ADCY7: variants seen among roughly 807,000 people sequenced by gnomAD.
ADCY7 encodes the protein adenylate cyclase 7.
A neutral mutation model predicts 120.6 loss-of-function variants in ADCY7; 72 were observed. The ratio of observed to expected loss-of-function variants is 0.60; its 90% CI spans 0.49 to 0.73. ADCY7 has a LOEUF of 0.73. Ranked by LOEUF, ADCY7 falls within the 30% of genes least tolerant of loss-of-function variation. ADCY7 has a pLI of 0.00. For synonymous variants in ADCY7, 661 were observed against 628.0 expected (o/e 1.05, Z -0.78); for missense variants, 1,227 against 1,486.0 (o/e 0.83, Z 2.87).
At chr16:50,248,483 C>G (rs1464930409) in intron 1 of ADCY7, among the ~76,000 whole-genome samples, 1 of 152,240 alleles carries the variant, frequency 6.6e-6, no homozygotes, top group Non-Finnish European at 1.5e-5. Context: ...CACTTTGACG[C>G]CAAACACTCA....
In ADCY7 at chr16:50,300,876, G is replaced by A. The variant is rs1388215283; in HGVS notation, c.1235+3G>A. 7 of 1,555,028 alleles carry A rather than the reference G, an allele frequency of 4.5e-6. No homozygotes were observed. The highest frequency in any genetic ancestry group is 1.4e-5 in the African/African-American group (1 of 73,200). Reference sequence around the variant, plus strand: ...ATGGAGGCAGCCGGAGTACCCGGGTGAGGCTGGGCTGGGTAGCCGCAGGGA... The same window carrying A: ...ATGGAGGCAGCCGGAGTACCCGGGTAAGGCTGGGCTGGGTAGCCGCAGGGA... On this transcript the variant is annotated splice_donor_region_variant and intron_variant, in intron 9 of 25. Transcript: ENST00000673801.
At chr16:50,286,887 G>A (rs1373718939) in intron 1 of ADCY7, among the ~76,000 whole-genome samples, 1 of 152,222 alleles carries the variant, frequency 6.6e-6, no homozygotes, top group Non-Finnish European at 1.5e-5. Context: ...ATGGATCAGA[G>A]ACCTTTGTGT....
intron 22 of ADCY7, 77 bp from the exon 23 acceptor site, chr16:50,313,881 C>G: frequency 2.4e-6 from 3 of 1,246,578 alleles, no homozygotes; most frequent in Non-Finnish European, 3.5e-6. Context: ...GAACCCCACA[C>G]CCTTCCTGAG....
chr16:50,314,666 T>C (rs3813755), intron 24 of ADCY7: 102,831 of 480,454 alleles, frequency 0.21, 12,339 homozygotes, highest in East Asian at 0.36. Flanking sequence ...CCTTAAAATA[T>C]AGAGAAGGAA....
Position 50,283,057 on chromosome 16 carries a change from G to T in ADCY7, c.-268-4855G>T, listed in dbSNP as rs574888316. On this transcript the variant is annotated intron_variant, in intron 1 of 25. Transcript: ENST00000673801. ...CCTTTCTGGAGGACTGGCTGTGTCTGCAGGGGCACACTCTTACCTCTGTGC... is the reference window on the plus strand; with the variant it reads ...CCTTTCTGGAGGACTGGCTGTGTCTTCAGGGGCACACTCTTACCTCTGTGC... Among the ~76,000 whole-genome samples the T allele has an allele frequency of 9.9e-5, 15 of 152,198 alleles. No individual in the cohort carries two copies. The South Asian group carries it at 2.9e-3, about 29-fold the overall frequency.
At chr16:50,303,435 A>G (rs2035863621) in intron 10 of ADCY7, among the ~76,000 whole-genome samples, 1 of 152,216 alleles carries the variant, frequency 6.6e-6, no homozygotes, top group Admixed American at 6.5e-5. Flanking sequence ...CCTAGGAGAC[A>G]GGACTTCCGG....
intron 4 of ADCY7, among the ~76,000 whole-genome samples, chr16:50,292,262 T>C (rs1321806700): frequency 6.6e-6 from 1 of 152,192 alleles, no homozygotes; most frequent in Non-Finnish European, 1.5e-5. Context: ...CCTTGTGTCT[T>C]TGTGTTGAAT....
intron 7 of ADCY7, among the ~76,000 whole-genome samples, chr16:50,295,143 C>G (rs28432797): frequency 1.3e-5 from 2 of 152,118 alleles, no homozygotes; most frequent in Non-Finnish European, 2.9e-5. Flanking sequence ...TTCACAGGAT[C>G]TGAGGTGAAT....
chr16:50,311,562 CTTG>C (rs1471541194), intron 19 of ADCY7, 128 bp from the exon 20 acceptor site: 25 of 509,682 alleles, frequency 4.9e-5, no homozygotes, highest in Non-Finnish European at 7.9e-5. Flanking sequence ...CCAAAGTTGT[CTTG>C]TTTTCTACCC....
intron 1 of ADCY7, among the ~76,000 whole-genome samples, chr16:50,253,038 G>T (rs909108721): frequency 3.3e-5 from 5 of 152,134 alleles, no homozygotes; most frequent in Non-Finnish European, 5.9e-5. Flanking sequence ...GTGGAGTTGG[G>T]GGTCAGGGAG....
rs200799130 is a variant in ADCY7 at position 50,292,695 on chromosome 16, T to C, written c.557T>C (p.Ile186Thr). 3 of 1,613,860 alleles carry C rather than the reference T, an allele frequency of 1.9e-6. No homozygotes were observed. Among genetic ancestry groups the C allele is most frequent in the African/African-American group, 1.3e-5 (1 of 75,042 alleles). Reference sequence around the variant, plus strand: ...CCGCAGCTGCTGGCCAACGCAGTCATCTTCCTGTGTGGGAACCTGACAGGC... The same window carrying C: ...CCGCAGCTGCTGGCCAACGCAGTCACCTTCCTGTGTGGGAACCTGACAGGC... ...VGLQLLANAVIFLCGNLTGAF... is the reference protein window; with the variant it reads ...VGLQLLANAVTFLCGNLTGAF... Residue 186 changes from isoleucine (I) to threonine (T), a missense_variant, in exon 5 of 26, where the codon ATC becomes ACC. By Grantham distance (89) the Ile-to-Thr change is moderately conservative. Transcript: ENST00000673801.
At chr16:50,283,538 C>T (rs1049567327) in intron 1 of ADCY7, among the ~76,000 whole-genome samples, 1 of 152,184 alleles carries the variant, frequency 6.6e-6, no homozygotes, top group Non-Finnish European at 1.5e-5. Context: ...GTCATGTGGC[C>T]CATGAACCAG....
intron 3 of ADCY7, 54 bp downstream of exon 3, chr16:50,290,714 C>T (rs1218085126): frequency 2.8e-5 from 44 of 1,569,370 alleles, no homozygotes; most frequent in East Asian, 9.0e-5. Flanking sequence ...CTCCCATCCC[C>T]GTGGTTGGTG....
rs1241759840 is a variant in ADCY7, at chr16:50,312,095, G to A, written c.2508G>A (p.Glu836=). ...LWKKKFKKEH[E]EFETMENVNR... ...AGAAGAAGTTCAAGAAGGAGCACGA[G>A]GAGTTTGAGACCATGGAGAACGTGA... is the stretch of plus-strand genomic sequence containing the variant. The change falls in exon 21 of 26, where the codon GAG becomes GAA. Residue 836 remains glutamate (E), a synonymous_variant. Coordinates refer to ENST00000673801, the MANE Select transcript of ADCY7 (RefSeq NM_001114.5). 1.5e-5 allele frequency: 24 copies of A among 1,614,252 alleles called. No homozygotes were observed. The highest frequency in any genetic ancestry group is 1.9e-5 in the Non-Finnish European group (22 of 1,180,052).
In ADCY7 at chr16:50,307,163, G is replaced by A. The variant is rs370098388; in HGVS notation, c.1850+16G>A. 4.4e-6 allele frequency: 7 copies of A among 1,607,372 alleles called. No individual in the cohort carries two copies. In the East Asian group the frequency reaches 6.7e-5, roughly 15 times the overall value. On this transcript the variant is annotated intron_variant, in intron 15 of 25. Coordinates refer to ENST00000673801, the MANE Select transcript of ADCY7 (RefSeq NM_001114.5). ...TCATGCCCAGGTCAGTTGCAGGGAG[G>A]GGTGTGGGGGTCCGGCCTGCTGGGA...
intron 15 of ADCY7, among the ~76,000 whole-genome samples, chr16:50,308,096 T>C (rs568060593): frequency 3.3e-5 from 5 of 152,168 alleles, no homozygotes; most frequent in South Asian, 4.1e-4. Flanking sequence ...TCATTTCTTA[T>C]ACACTTGGAC....
intron 1 of ADCY7, among the ~76,000 whole-genome samples, chr16:50,269,204 G>T (rs1429483068): frequency 6.6e-6 from 1 of 151,662 alleles, no homozygotes; most frequent in African/African-American, 2.4e-5. Context: ...AGAGGAGACA[G>T]GGCCCAGAGG....
intron 21 of ADCY7, among the ~76,000 whole-genome samples, chr16:50,312,401 G>T (rs1406253798): frequency 6.6e-6 from 1 of 152,190 alleles, no homozygotes; most frequent in East Asian, 1.9e-4. Flanking sequence ...CGTGAACAAG[G>T]CACCTTGCTT....
chr16:50,309,063 G>A (rs2036274220), intron 17 of ADCY7: 3 of 397,814 alleles, frequency 7.5e-6, no homozygotes, highest in South Asian at 5.4e-5. Flanking sequence ...CATTCTTCAC[G>A]GCCCTTCTGA....
Sources: allele counts gnomAD v4.1 joint callset (sites outside exome capture counted in the v4.1 genomes callset), GRCh38; gene constraint gnomAD v4.1.1; transcripts MANE v1.5; gene names NCBI Gene and HGNC (gene_info 2026-07-23, HGNC 2026-07-21).